The following LUZP2 variants were observed in gnomAD, a reference collection of about 807,000 sequenced individuals.
LUZP2 encodes the protein leucine zipper protein 2.
Under a neutral mutation model 51.6 loss-of-function variants are expected in LUZP2, and 52 were observed. The ratio of observed to expected loss-of-function variants is 1.01; its 90% CI spans 0.81 to 1.27. The LOEUF is 1.27. LUZP2 is among the 50% of genes most tolerant of loss of function. The pLI is 0.00. For synonymous variants in LUZP2, 154 were observed against 137.3 expected (o/e 1.12, Z -0.85); for missense variants, 436 against 395.4 (o/e 1.10, Z -0.87).
intron 9 of LUZP2, among the ~76,000 whole-genome samples, chr11:25,026,718 C>T (rs1857503204): frequency 6.6e-6 from 1 of 152,082 alleles, no homozygotes; most frequent in African/African-American, 2.4e-5. Flanking sequence ...ATACAGTGTA[C>T]ACAGTGAACT....
At chr11:24,518,569 A>G (rs1850549096) in intron 1 of LUZP2, among the ~76,000 whole-genome samples, 1 of 152,220 alleles carries the variant, frequency 6.6e-6, no homozygotes, top group African/African-American at 2.4e-5. Flanking sequence ...GTCCATAAAT[A>G]GTTTTTAGAA....
chr11:24,845,610 C>A (rs567332023), intron 5 of LUZP2, among the ~76,000 whole-genome samples: 5 of 152,104 alleles, frequency 3.3e-5, no homozygotes, highest in Non-Finnish European at 5.9e-5. Flanking sequence ...CCACAATTCC[C>A]ATGTGTCAAG....
intron 1 of LUZP2, among the ~76,000 whole-genome samples, chr11:24,726,382 A>T (rs986103392): frequency 1.1e-4 from 17 of 151,996 alleles, no homozygotes. Flanking sequence ...CTGATAGGCA[A>T]TTTACCAGCA....
intron 1 of LUZP2, among the ~76,000 whole-genome samples, chr11:24,550,539 C>T (rs75943642): frequency 6.6e-6 from 1 of 152,046 alleles, no homozygotes; most frequent in Non-Finnish European, 1.5e-5. Flanking sequence ...AGCCCAATCA[C>T]TTATAGAGGC....
At chr11:24,838,672 A>G (rs753456079) in intron 5 of LUZP2, among the ~76,000 whole-genome samples, 13 of 151,540 alleles carry the variant, frequency 8.6e-5, no homozygotes, top group Non-Finnish European at 1.9e-4. Flanking sequence ...ATTTTCCCCA[A>G]GTTATGAAAT....
chr11:24,559,049 C>T (rs1590179019), intron 1 of LUZP2, among the ~76,000 whole-genome samples: 1 of 152,260 alleles, frequency 6.6e-6, no homozygotes, highest in South Asian at 2.1e-4. Flanking sequence ...AGCAATTCAA[C>T]TATAGCATAT....
chr11:24,665,586 G>C (rs1476156208), intron 1 of LUZP2, among the ~76,000 whole-genome samples: 3 of 152,110 alleles, frequency 2.0e-5, no homozygotes, highest in Non-Finnish European at 4.4e-5. Flanking sequence ...GAGGGACCTG[G>C]TAATTGAATC....
At chr11:24,651,765 G>T (rs1855629089) in intron 1 of LUZP2, among the ~76,000 whole-genome samples, 1 of 152,118 alleles carries the variant, frequency 6.6e-6, no homozygotes, top group Admixed American at 6.6e-5. Flanking sequence ...TCCATAATGT[G>T]GGTAGGCCTC....
intron 3 of LUZP2, among the ~76,000 whole-genome samples, chr11:24,732,783 G>A (rs369535537): frequency 1.7e-4 from 26 of 151,676 alleles, no homozygotes; most frequent in Admixed American, 9.9e-4. Context: ...ACAACTTTAC[G>A]TCTGCTATAC....
chr11:24,985,467 A>G (rs1311586414), intron 9 of LUZP2, among the ~76,000 whole-genome samples: 3 of 151,798 alleles, frequency 2.0e-5, no homozygotes, highest in Non-Finnish European at 4.4e-5. Flanking sequence ...CATTTTGCGT[A>G]AAACGACCCC....
In LUZP2 at chr11:25,081,349, T is replaced by A. The variant is rs547824092; in HGVS notation, c.*2691T>A. ...ACCGTGCCTGGCCAGTGTGTTTTTT[T>A]CCTTTAAATATATATGGCATTATAC... On this transcript the variant is annotated 3_prime_UTR_variant, in exon 12 of 12. Transcript: ENST00000336930. The A allele has an allele frequency of 6.6e-6, 1 of 152,118 alleles. No individual in the cohort carries two copies. Among genetic ancestry groups the A allele is most frequent in the South Asian group, 2.1e-4 (1 of 4,822 alleles). The allele number at this position is 152,118 out of a possible 1,614,324, so 9.4% of individuals were successfully genotyped here. A position where few individuals can be genotyped will look rare whatever the true frequency, so the allele number is the denominator to read the frequency against.
intron 1 of LUZP2, among the ~76,000 whole-genome samples, chr11:24,548,047 A>G (rs1180253020): frequency 3.9e-5 from 6 of 152,120 alleles, no homozygotes; most frequent in African/African-American, 1.4e-4. Context: ...AGGTCAAAAA[A>G]TAATACATGC....
At chr11:24,792,699 C>A (rs1849441056) in intron 5 of LUZP2, among the ~76,000 whole-genome samples, 1 of 152,084 alleles carries the variant, frequency 6.6e-6, no homozygotes, top group Non-Finnish European at 1.5e-5. Context: ...TCCAGTTATA[C>A]CACTAAACAA....
rs985982523 is a variant in LUZP2, at chr11:24,962,259, A to C, written c.523-14332A>C. ...GCTCTTCGCGAGGAGTAGAAGAGCA[A>C]CTCCTACTTCTTTGTGGCATTCTCT... On this transcript the variant is annotated intron_variant, in intron 7 of 11. Coordinates refer to ENST00000336930, the MANE Select transcript of LUZP2 (RefSeq NM_001009909.4). Among the ~76,000 whole-genome samples, 8 of 150,262 alleles carry C rather than the reference A, an allele frequency of 5.3e-5. No individual in the cohort carries two copies. In the East Asian group the frequency reaches 1.6e-3, roughly 30 times the overall value.
chr11:24,586,824 G>A (rs922400129), intron 1 of LUZP2, among the ~76,000 whole-genome samples: 1 of 151,902 alleles, frequency 6.6e-6, no homozygotes, highest in African/African-American at 2.4e-5. Flanking sequence ...TGTTTTTGGG[G>A]CCTATGATTT....
At chr11:24,790,690 C>T (rs112992933) in intron 5 of LUZP2, among the ~76,000 whole-genome samples, 97 of 152,028 alleles carry the variant, frequency 6.4e-4, no homozygotes, top group African/African-American at 2.1e-3. Context: ...TTAGTAGAGT[C>T]GGGGTTTCAC....
intron 9 of LUZP2, among the ~76,000 whole-genome samples, chr11:25,036,505 T>A (rs1011831428): frequency 2.7e-5 from 4 of 149,096 alleles, no homozygotes; most frequent in Non-Finnish European, 4.5e-5. Flanking sequence ...TCTTTTATTC[T>A]GCTAGCTTTG....
At chr11:24,614,645 G>C (rs564014108) in intron 1 of LUZP2, among the ~76,000 whole-genome samples, 2 of 151,830 alleles carry the variant, frequency 1.3e-5, no homozygotes, top group African/African-American at 2.4e-5. Context: ...TCCTGATTTA[G>C]ATCTTTGTAC....
intron 1 of LUZP2, among the ~76,000 whole-genome samples, chr11:24,581,859 AAACAGAGGC>A: frequency 6.6e-6 from 1 of 152,222 alleles, no homozygotes; most frequent in South Asian, 2.1e-4. Flanking sequence ...CATTAAGAGG[AAACAGAGGC>A]TCAGAGAATT....
Sources: allele counts gnomAD v4.1 joint callset (sites outside exome capture counted in the v4.1 genomes callset), GRCh38; gene constraint gnomAD v4.1.1; transcripts MANE v1.5; gene names NCBI Gene and HGNC (gene_info 2026-07-23, HGNC 2026-07-21).